KCMF1: variants seen among roughly 807,000 people sequenced by gnomAD.
KCMF1 encodes the protein potassium channel modulatory factor 1, also known as E3 ubiquitin-protein ligase KCMF1.
Under a neutral mutation model 41.1 loss-of-function variants are expected in KCMF1, and 3 were observed. The ratio of observed to expected loss-of-function variants is 0.07; its 90% CI spans 0.03 to 0.19. KCMF1 has a LOEUF of 0.19. Ranked by LOEUF, KCMF1 falls within the 10% of genes least tolerant of loss-of-function variation. The pLI, the probability that KCMF1 is intolerant of heterozygous loss-of-function variation, is 1.00. For missense variants in KCMF1, 286 were observed against 488.9 expected (o/e 0.58, Z 3.91); for synonymous variants, 142 against 164.5 (o/e 0.86, Z 1.04).
chr2:85,014,728 T>TGCGTGC (rs1558575801), intron 1 of KCMF1, among the ~76,000 whole-genome samples: 3 of 139,480 alleles, frequency 2.2e-5, no homozygotes, highest in Non-Finnish European at 3.2e-5. Context: ...TGCGTGCGTG[T>TGCGTGC]GTGTGTGTGT....
rs1675989481 is a variant in KCMF1, at chr2:85,058,469, C to T, written c.*5060C>T. ...CACAGGCCTGGATAATGATGTTTCT[C>T]TTCAAGGAGGCCTTTACTAACCACA... On this transcript the variant is annotated 3_prime_UTR_variant, in exon 7 of 7. Coordinates refer to ENST00000409785, the MANE Select transcript of KCMF1 (RefSeq NM_020122.5). The T allele has an allele frequency of 6.6e-6, 1 of 152,224 alleles. No homozygotes were observed. Among genetic ancestry groups the T allele is most frequent in the South Asian group, 2.1e-4 (1 of 4,830 alleles). The allele number at this position is 152,224 out of a possible 1,614,324, so 9.4% of individuals were successfully genotyped here. A position where few individuals can be genotyped will look rare whatever the true frequency, so the allele number is the denominator to read the frequency against.
At chr2:84,984,293 G>T (rs529484763) in intron 1 of KCMF1, among the ~76,000 whole-genome samples, 3 of 151,890 alleles carry the variant, frequency 2.0e-5, no homozygotes, top group Non-Finnish European at 4.4e-5. Flanking sequence ...TAGGGATGGG[G>T]TCTTGCTGTG....
intron 1 of KCMF1, among the ~76,000 whole-genome samples, chr2:85,005,808 C>G (rs1674456780): frequency 6.6e-6 from 1 of 152,142 alleles, no homozygotes; most frequent in African/African-American, 2.4e-5. Flanking sequence ...CCACACCCAG[C>G]CCATAGTGAT....
intron 1 of KCMF1, among the ~76,000 whole-genome samples, chr2:84,981,486 G>T (rs912725867): frequency 2.0e-5 from 3 of 152,068 alleles, no homozygotes; most frequent in African/African-American, 7.2e-5. Flanking sequence ...ACCGCGCCTG[G>T]CCTTTTCTGT....
At position 85,054,080 on chromosome 2, in the gene KCMF1, C is replaced by G. The variant is rs1226319638; in HGVS notation, c.*671C>G. The G allele has an allele frequency of 6.6e-6, 1 of 152,146 alleles. No homozygotes were observed. Among genetic ancestry groups the G allele is most frequent in the Non-Finnish European group, 1.5e-5 (1 of 68,042 alleles). The allele number at this position is 152,146 out of a possible 1,614,324, so 9.4% of individuals were successfully genotyped here. On this transcript the variant is annotated 3_prime_UTR_variant, in exon 7 of 7. Transcript: ENST00000409785. ...CTTGCCTGTGTGGAGCTCAGCCTGT[C>G]TCTTTAACTCATCTGTAGAAGACAC... is the stretch of plus-strand genomic sequence containing the variant.
intron 1 of KCMF1, among the ~76,000 whole-genome samples, chr2:85,020,591 A>G (rs563677154): frequency 6.6e-6 from 1 of 152,100 alleles, no homozygotes; most frequent in African/African-American, 2.4e-5. Context: ...ACACCTGGCT[A>G]ATTTTTGTAT....
At chr2:84,984,371 G>T (rs570334737) in intron 1 of KCMF1, among the ~76,000 whole-genome samples, 1 of 152,054 alleles carries the variant, frequency 6.6e-6, no homozygotes, top group African/African-American at 2.4e-5. Flanking sequence ...AAAGTGCTAC[G>T]ATTACAGATG....
chr2:85,002,000 G>A (rs1674341725), intron 1 of KCMF1, among the ~76,000 whole-genome samples: 2 of 152,158 alleles, frequency 1.3e-5, no homozygotes, highest in Admixed American at 1.3e-4. Flanking sequence ...CATAAAAAAG[G>A]TATCAGTAAA....
chr2:85,003,984 C>T (rs1489968056), intron 1 of KCMF1, among the ~76,000 whole-genome samples: 1 of 152,094 alleles, frequency 6.6e-6, no homozygotes, highest in Non-Finnish European at 1.5e-5. Flanking sequence ...TAGTACTGAA[C>T]CCTATGTATC....
At position 85,057,723 on chromosome 2, in the gene KCMF1, A is replaced by G. The variant is rs1354500957; in HGVS notation, c.*4314A>G. 6.6e-6 allele frequency: 1 copy of G among 152,182 alleles called. No individual in the cohort carries two copies. The highest frequency in any genetic ancestry group is 2.1e-4 in the South Asian group (1 of 4,834). The allele number at this position is 152,182 out of a possible 1,614,324, so 9.4% of individuals were successfully genotyped here. On this transcript the variant is annotated 3_prime_UTR_variant, in exon 7 of 7. Transcript: ENST00000409785. ...TTCTGTCAGTGTTCTATAAATGCAT[A>G]CATTCGTTATTTAAGGAACCCTGCA...
At chr2:85,048,047 C>A (rs1281738796) in intron 5 of KCMF1, among the ~76,000 whole-genome samples, 1 of 152,110 alleles carries the variant, frequency 6.6e-6, no homozygotes, top group East Asian at 1.9e-4. Flanking sequence ...GTATGACAAA[C>A]CCTCGTGGCA....
chr2:85,043,474 A>G (rs1682610955), intron 3 of KCMF1, 90 bp from the exon 4 acceptor site: 3 of 772,682 alleles, frequency 3.9e-6, no homozygotes, highest in East Asian at 2.7e-5. Flanking sequence ...TTAAAACTTG[A>G]TAATAGTAAA....
At chr2:84,971,842 A>G (rs1458460257) in intron 1 of KCMF1, 1 of 152,040 alleles carries the variant, frequency 6.6e-6, no homozygotes, top group Non-Finnish European at 1.5e-5. Flanking sequence ...AGCGCGGCCT[A>G]GCGCTCCCGC....
chr2:85,008,277 A>AATATATC (rs1157535717), intron 1 of KCMF1, among the ~76,000 whole-genome samples: 9 of 91,386 alleles, frequency 9.8e-5, no homozygotes, highest in African/African-American at 3.7e-4. Context: ...TATAATATAT[A>AATATATC]ATATGATATA....
intron 1 of KCMF1, among the ~76,000 whole-genome samples, chr2:84,996,377 T>C (rs1674175506): frequency 6.7e-6 from 1 of 150,104 alleles, no homozygotes; most frequent in South Asian, 2.1e-4. Context: ...GAGCTAAAAA[T>C]CAAAAATAAT....
At chr2:85,018,795 ATTTTTTTTTTT>A (rs34627507) in intron 1 of KCMF1, among the ~76,000 whole-genome samples, 1 of 73,696 alleles carries the variant, frequency 1.4e-5, no homozygotes, top group Admixed American at 1.6e-4. Flanking sequence ...CAGAACTTTG[ATTTTTTTTTTT>A]TTTTTTTTTT....
At chr2:85,026,495 ATTT>A (rs1553381453) in intron 1 of KCMF1, among the ~76,000 whole-genome samples, 1 of 143,584 alleles carries the variant, frequency 7.0e-6, no homozygotes, top group African/African-American at 2.6e-5. Context: ...TATTATTATT[ATTT>A]TTATTTTTTC....
chr2:85,032,245 C>G (rs1208591440), intron 2 of KCMF1, among the ~76,000 whole-genome samples: 1 of 152,192 alleles, frequency 6.6e-6, no homozygotes, highest in Non-Finnish European at 1.5e-5. Context: ...AGTCTCGGCT[C>G]ACTGCAACTT....
chr2:85,050,035 C>T (rs1332997598), intron 6 of KCMF1, among the ~76,000 whole-genome samples: 4 of 152,012 alleles, frequency 2.6e-5, no homozygotes, highest in Admixed American at 1.3e-4. Flanking sequence ...CTGTAGTCCC[C>T]GCTACTCAGG....
Sources: allele counts gnomAD v4.1 joint callset (sites outside exome capture counted in the v4.1 genomes callset), GRCh38; gene constraint gnomAD v4.1.1; transcripts MANE v1.5; gene names NCBI Gene and HGNC (gene_info 2026-07-23, HGNC 2026-07-21).